The following MARCHF8 variants were observed in gnomAD, a reference collection of about 807,000 sequenced individuals.
The protein encoded by MARCHF8 is E3 ubiquitin-protein ligase MARCHF8.
MARCHF8 carries 40 observed loss-of-function variants against 51.6 expected under a neutral mutation model. The ratio of observed to expected loss-of-function variants is 0.77; its 90% CI spans 0.60 to 1.01. The LOEUF is 1.01. Ranked by LOEUF, MARCHF8 falls within the 50% of genes least tolerant of loss-of-function variation. The pLI is 0.00. For missense variants in MARCHF8, 685 were observed against 708.6 expected, an observed-to-expected ratio of 0.97 and a Z score of 0.38; for synonymous variants, 263 against 280.3, an observed-to-expected ratio of 0.94 and a Z score of 0.62.
At chr10:45,505,958 C>T (rs1317528874) in intron 2 of MARCHF8, among the ~76,000 whole-genome samples, 1 of 152,058 alleles carries the variant, frequency 6.6e-6, no homozygotes, top group Non-Finnish European at 1.5e-5. Context: ...AAACTCTTTC[C>T]GCATCTGCGT....
At chr10:45,477,674 C>T (rs940922929) in intron 3 of MARCHF8, among the ~76,000 whole-genome samples, 2 of 152,096 alleles carry the variant, frequency 1.3e-5, no homozygotes, top group African/African-American at 4.8e-5. Context: ...GTACAAGAAG[C>T]TCATCGCACC....
chr10:45,514,203 T>C (rs758720985), intron 2 of MARCHF8, among the ~76,000 whole-genome samples: 39 of 152,240 alleles, frequency 2.6e-4, no homozygotes, highest in Non-Finnish European at 5.1e-4. Context: ...TGCTAAGTTT[T>C]TCTGGCTGGG....
chr10:45,464,183 T>A, intron 4 of MARCHF8, 56 bp downstream of exon 4: 1 of 1,583,550 alleles, frequency 6.3e-7, no homozygotes, highest in Non-Finnish European at 8.7e-7. Context: ...CTACAGACAC[T>A]AATGCTTATT....
At chr10:45,506,865 T>C (rs1380057421) in intron 2 of MARCHF8, among the ~76,000 whole-genome samples, 1 of 152,238 alleles carries the variant, frequency 6.6e-6, no homozygotes, top group Non-Finnish European at 1.5e-5. Context: ...TCAGGCGATC[T>C]GGATGTATAC....
At chr10:45,485,680 T>A (rs931151662) in intron 3 of MARCHF8, among the ~76,000 whole-genome samples, 1 of 152,212 alleles carries the variant, frequency 6.6e-6, no homozygotes, top group Admixed American at 6.5e-5. Context: ...GAGGCATGAT[T>A]AAAGGTTTAT....
chr10:45,584,833 A>G (rs1044328909), intron 1 of MARCHF8, among the ~76,000 whole-genome samples: 9 of 152,334 alleles, frequency 5.9e-5, no homozygotes, highest in Admixed American at 1.3e-4. Context: ...GCCGGCTTTG[A>G]AGATGAAGAA....
chr10:45,569,600 G>C (rs2044406096), intron 1 of MARCHF8, among the ~76,000 whole-genome samples: 1 of 152,114 alleles, frequency 6.6e-6, no homozygotes, highest in African/African-American at 2.4e-5. Flanking sequence ...GTTTTTCAAA[G>C]TATGAGAGCT....
intron 2 of MARCHF8, among the ~76,000 whole-genome samples, chr10:45,511,059 A>G (rs1217886703): frequency 1.3e-5 from 2 of 152,244 alleles, no homozygotes; most frequent in Admixed American, 1.3e-4. Context: ...TTTAAAAGTT[A>G]CATATAACAT....
At chr10:45,557,149 G>A (rs553750474) in intron 1 of MARCHF8, among the ~76,000 whole-genome samples, 62 of 130,364 alleles carry the variant, frequency 4.8e-4, no homozygotes, top group Non-Finnish European at 8.8e-4. Context: ...TTTTTGAGAC[G>A]GGAGTTTCGC....
rs181000446 is a variant in MARCHF8, at chr10:45,551,160, T to C, written c.-78-17871A>G. Among the ~76,000 whole-genome samples the C allele has an allele frequency of 1.7e-3, 261 of 152,252 alleles. 1 individual carries two copies. The highest frequency in any genetic ancestry group is 4.6e-3 in the African/African-American group (193 of 41,546). ...TCCTCTCCTAGATATACAATGAGAG[T>C]AATGCCAGACCTGCTTCTCAAAACA... On this transcript the variant is annotated intron_variant, in intron 1 of 6. Transcript: ENST00000319836.
chr10:45,519,436 A>G (rs1272286862), intron 2 of MARCHF8, among the ~76,000 whole-genome samples: 1 of 152,220 alleles, frequency 6.6e-6, no homozygotes, highest in African/African-American at 2.4e-5. Context: ...GACTACTGCA[A>G]TAATCTAGAT....
At chr10:45,507,290 C>G (rs998520738) in intron 2 of MARCHF8, among the ~76,000 whole-genome samples, 1 of 152,014 alleles carries the variant, frequency 6.6e-6, no homozygotes, top group Non-Finnish European at 1.5e-5. Context: ...TGTTCCAGAA[C>G]GAGAAAGAGG....
intron 1 of MARCHF8, among the ~76,000 whole-genome samples, chr10:45,561,590 T>C (rs1242563120): frequency 6.6e-6 from 1 of 150,404 alleles, no homozygotes; most frequent in African/African-American, 2.4e-5. Context: ...GATTATTAAA[T>C]AGCGAATTAT....
chr10:45,501,839 T>C (rs908412772), intron 2 of MARCHF8, among the ~76,000 whole-genome samples: 1 of 152,128 alleles, frequency 6.6e-6, no homozygotes, highest in Non-Finnish European at 1.5e-5. Flanking sequence ...TGAAGGGACA[T>C]CTTAATGAAT....
In MARCHF8 at chr10:45,501,414, T is replaced by A. The variant is rs551607158; in HGVS notation, c.103-11997A>T. Among the ~76,000 whole-genome samples, 5 of 152,116 alleles carry A rather than the reference T, an allele frequency of 3.3e-5. No individual in the cohort carries two copies. In the South Asian group the frequency reaches 1.0e-3, roughly 32 times the overall value. On this transcript the variant is annotated intron_variant, in intron 2 of 7. Transcript: ENST00000453424. ...ACTGATTTTTAAGAAAGCAATTCAA[T>A]AGAGGAAAGAGAATTTTCAACAAAT...
At chr10:45,586,981 ATGT>A (rs550381864) in intron 1 of MARCHF8, among the ~76,000 whole-genome samples, 22 of 151,124 alleles carry the variant, frequency 1.5e-4, no homozygotes, top group African/African-American at 4.8e-4. Context: ...CATTTTTAAA[ATGT>A]TGTAGTTAGT....
At position 45,541,376 on chromosome 10, in the gene MARCHF8, C is replaced by G. The variant is rs560348371; in HGVS notation, c.-78-8087G>C. Among the ~76,000 whole-genome samples, 3 of 152,138 alleles carry G rather than the reference C, an allele frequency of 2.0e-5. No homozygotes were observed. The South Asian group carries it at 6.2e-4, about 32-fold the overall frequency. On this transcript the variant is annotated intron_variant, in intron 1 of 6. Transcript: ENST00000319836. ...ATAGGTGGGAATTGAACAATGAGAA[C>G]ACATGGACACAGGAAGCGGAACATC...
intron 2 of MARCHF8, among the ~76,000 whole-genome samples, chr10:45,494,814 C>T (rs774898512): frequency 6.6e-5 from 10 of 152,236 alleles, no homozygotes; most frequent in Non-Finnish European, 1.2e-4. Flanking sequence ...CTCAGGACCC[C>T]TTTATCCTGT....
At chr10:45,507,465 G>A (rs2043407137) in intron 2 of MARCHF8, among the ~76,000 whole-genome samples, 1 of 152,024 alleles carries the variant, frequency 6.6e-6, no homozygotes, top group Admixed American at 6.5e-5. Context: ...CATGATACAG[G>A]GAGAAGGAGA....
Sources: allele counts gnomAD v4.1 joint callset (sites outside exome capture counted in the v4.1 genomes callset), GRCh38; gene constraint gnomAD v4.1.1; transcripts MANE v1.5; gene names NCBI Gene and HGNC (gene_info 2026-07-23, HGNC 2026-07-21).